SYT1: variants seen among roughly 807,000 people sequenced by gnomAD.
SYT1 encodes synaptotagmin 1, also known as synaptotagmin-1.
SYT1 carries 8 observed loss-of-function variants against 44.8 expected under a neutral mutation model. The observed-to-expected ratio is 0.18, with a 90% CI of 0.10 to 0.32. The LOEUF is 0.32. Ranked by LOEUF, SYT1 falls within the 10% of genes least tolerant of loss-of-function variation. The pLI is 1.00. For synonymous variants in SYT1, 154 were observed against 188.8 expected, an observed-to-expected ratio of 0.82 and a Z score of 1.51; for missense variants, 286 against 509.3, an observed-to-expected ratio of 0.56 and a Z score of 4.22.
At chr12:78,866,757 G>C (rs1170442519) in intron 1 of SYT1, among the ~76,000 whole-genome samples, 1 of 152,040 alleles carries the variant, frequency 6.6e-6, no homozygotes, top group South Asian at 2.1e-4. Flanking sequence ...ATTTATCAGG[G>C]GAAATGCAGA....
At chr12:79,089,516 GA>G (rs540940722) in intron 3 of SYT1, among the ~76,000 whole-genome samples, 12,596 of 131,630 alleles carry the variant, frequency 0.096, 602 homozygotes, top group Middle Eastern at 0.13. Context: ...AAAAAGAAAA[GA>G]AAAAAAAAAA....
intron 3 of SYT1, among the ~76,000 whole-genome samples, chr12:79,106,593 C>G (rs1274862060): frequency 6.8e-6 from 1 of 147,822 alleles, no homozygotes; most frequent in Non-Finnish European, 1.5e-5. Context: ...TTACAAAACT[C>G]TCATAGGGAA....
chr12:79,073,937 T>C (rs114708861), intron 3 of SYT1, among the ~76,000 whole-genome samples: 1 of 152,180 alleles, frequency 6.6e-6, no homozygotes, highest in African/African-American at 2.4e-5. Context: ...ATTCAGGCCT[T>C]ATTTACCCTC....
chr12:79,410,506 C>CAAAAAAAAAAAAAAACAAAAAAAAAGA (rs1868372012), intron 9 of SYT1, among the ~76,000 whole-genome samples: 1 of 75,916 alleles, frequency 1.3e-5, no homozygotes, highest in Non-Finnish European at 2.4e-5. Context: ...TGTTCAAAGT[C>CAAAAAAAAAAAAAAACAAAAAAAAAGA]AAAAAAAAAA....
At position 79,235,239 on chromosome 12, in the gene SYT1, T is replaced by C. The variant is rs192053358; in HGVS notation, c.166+17554T>C. Among the ~76,000 whole-genome samples, 4 of 152,334 alleles carry C rather than the reference T, an allele frequency of 2.6e-5. No individual in the cohort carries two copies. In the East Asian group the frequency reaches 7.7e-4, roughly 29 times the overall value. Reference sequence around the variant, plus strand: ...CACAGGTGATATATGAGAGTTCTAGTTGCTCTACATCCTTGCTAACACTTG... The same window carrying C: ...CACAGGTGATATATGAGAGTTCTAGCTGCTCTACATCCTTGCTAACACTTG... On this transcript the variant is annotated intron_variant, in intron 4 of 10. Coordinates refer to ENST00000261205, the MANE Select transcript of SYT1 (RefSeq NM_005639.3).
chr12:79,422,887 C>A (rs1221663917), intron 9 of SYT1, among the ~76,000 whole-genome samples: 1 of 152,102 alleles, frequency 6.6e-6, no homozygotes, highest in Non-Finnish European at 1.5e-5. Flanking sequence ...GACGATTCCC[C>A]TTTCTAATGA....
chr12:79,256,771 A>G (rs547644411), intron 4 of SYT1, among the ~76,000 whole-genome samples: 1 of 152,334 alleles, frequency 6.6e-6, no homozygotes, highest in South Asian at 2.1e-4. Flanking sequence ...CCATCTACTC[A>G]AGTTAATTAA....
rs184555426 is a variant in SYT1, at chr12:79,257,561, C to T, written c.167-28226C>T. 1.2e-4 allele frequency among the ~76,000 whole-genome samples: 18 copies of T among 152,320 alleles called. No individual in the cohort carries two copies. The East Asian group carries it at 2.1e-3, about 18-fold the overall frequency. ...GGACTGCAGTGGCGCAATCTCTGCT[C>T]ACTGCAAGCTCCGCCTCCCGGGTTC... On this transcript the variant is annotated intron_variant, in intron 4 of 10. Transcript: ENST00000261205.
intron 9 of SYT1, among the ~76,000 whole-genome samples, chr12:79,421,718 T>G (rs1269779674): frequency 6.6e-6 from 1 of 151,964 alleles, no homozygotes; most frequent in Non-Finnish European, 1.5e-5. Flanking sequence ...TCTGTTTTTT[T>G]TTTTTATTGT....
chr12:78,939,757 C>T (rs1363403639), intron 1 of SYT1, among the ~76,000 whole-genome samples: 3 of 152,174 alleles, frequency 2.0e-5, no homozygotes, highest in African/African-American at 4.8e-5. Flanking sequence ...ATAAGCATGA[C>T]ATTGGCATCA....
intron 2 of SYT1, among the ~76,000 whole-genome samples, chr12:79,018,938 AT>A (rs563990193): frequency 1.5e-3 from 221 of 148,816 alleles, no homozygotes; most frequent in African/African-American, 5.4e-3. Context: ...CTAAAATTAA[AT>A]GAAATAGTAT....
At chr12:79,264,586 A>G (rs1878022448) in intron 4 of SYT1, among the ~76,000 whole-genome samples, 1 of 152,190 alleles carries the variant, frequency 6.6e-6, no homozygotes, top group African/African-American at 2.4e-5. Context: ...GAGTGTGTTC[A>G]AGCAAAATCT....
Position 79,130,597 on chromosome 12 carries a change from T to C in SYT1, c.-18+83235T>C, listed in dbSNP as rs1218436959. Among the ~76,000 whole-genome samples the C allele has an allele frequency of 3.3e-5, 5 of 152,310 alleles. No homozygotes were observed. In the East Asian group the frequency reaches 9.6e-4, roughly 29 times the overall value. On this transcript the variant is annotated intron_variant, in intron 3 of 10. Transcript: ENST00000261205. Reference sequence around the variant, plus strand: ...TTATTTGTTTGCATCTTTTGTAAGATTTGGATTTTCTAAGACTAGGATTTC... The same window carrying C: ...TTATTTGTTTGCATCTTTTGTAAGACTTGGATTTTCTAAGACTAGGATTTC...
chr12:79,175,062 TCTAAG>T (rs768699260), intron 3 of SYT1, among the ~76,000 whole-genome samples: 1 of 152,132 alleles, frequency 6.6e-6, no homozygotes, highest in Non-Finnish European at 1.5e-5. Context: ...GCTATGTACT[TCTAAG>T]CTAATGGAGT....
At chr12:79,196,175 G>GTTGTTGTTGT (rs1555206195) in intron 3 of SYT1, among the ~76,000 whole-genome samples, 1 of 147,916 alleles carries the variant, frequency 6.8e-6, no homozygotes, top group African/African-American at 2.6e-5. Context: ...TGTTGTTGTT[G>GTTGTTGTTGT]TTGTTGTTGT....
intron 2 of SYT1, among the ~76,000 whole-genome samples, chr12:79,000,134 G>A (rs1870636465): frequency 6.6e-6 from 1 of 152,030 alleles, no homozygotes; most frequent in African/African-American, 2.4e-5. Flanking sequence ...CTGTGATTCA[G>A]CTGCAAACAA....
chr12:79,154,513 C>T (rs1326331497), intron 3 of SYT1, among the ~76,000 whole-genome samples: 1 of 151,464 alleles, frequency 6.6e-6, no homozygotes, highest in African/African-American at 2.4e-5. Flanking sequence ...GCAGTCTGAC[C>T]CCAGAATCTA....
chr12:78,931,185 AAGAAAGAAAG>A (rs1565723093), intron 1 of SYT1, among the ~76,000 whole-genome samples: 305 of 21,512 alleles, frequency 0.014, 13 homozygotes, highest in African/African-American at 0.055. Flanking sequence ...AAGAAAAAGA[AAGAAAGAAAG>A]AAAGAAAGAA....
chr12:79,003,800 A>T (rs1036281896), intron 2 of SYT1, among the ~76,000 whole-genome samples: 1 of 152,018 alleles, frequency 6.6e-6, no homozygotes, highest in African/African-American at 2.4e-5. Context: ...CAAAGAAAAA[A>T]TGTAGGCTTT....
Sources: gnomAD v4.1 joint callset for allele counts (sites outside exome capture counted in the v4.1 genomes callset) on GRCh38, gnomAD v4.1.1 for gene constraint, MANE v1.5 for transcripts, NCBI Gene and HGNC (gene_info 2026-07-23, HGNC 2026-07-21) for gene names.